The following MACROD2 variants were observed in gnomAD, a reference collection of about 807,000 sequenced individuals.
MACROD2 encodes mono-ADP ribosylhydrolase 2.
MACROD2 carries 36 observed loss-of-function variants against 70.4 expected under a neutral mutation model. The observed-to-expected ratio is 0.51, with a 90% CI of 0.39 to 0.68. The LOEUF is 0.68. Ranked by LOEUF, MACROD2 falls within the 30% of genes least tolerant of loss-of-function variation. MACROD2 has a pLI of 0.00. For synonymous variants in MACROD2, 172 were observed against 178.8 expected, an observed-to-expected ratio of 0.96 and a Z score of 0.30; for missense variants, 496 against 538.4, an observed-to-expected ratio of 0.92 and a Z score of 0.78.
intron 8 of MACROD2, among the ~76,000 whole-genome samples, chr20:15,847,191 C>T (rs531497901): frequency 6.6e-6 from 1 of 152,014 alleles, no homozygotes. Flanking sequence ...AAAAGTATAA[C>T]GTAGAGGATT....
At chr20:14,021,920 A>C (rs1233031753) in intron 2 of MACROD2, among the ~76,000 whole-genome samples, 1 of 152,156 alleles carries the variant, frequency 6.6e-6, no homozygotes, top group Non-Finnish European at 1.5e-5. Context: ...CTTAGGGGGA[A>C]GGGGAAAGGG....
chr20:14,281,996 T>C (rs1205179464), intron 3 of MACROD2, among the ~76,000 whole-genome samples: 1 of 151,268 alleles, frequency 6.6e-6, no homozygotes. Context: ...TCCTAAATTA[T>C]ATATTTTTAT....
chr20:15,799,853 T>G (rs2063708065), intron 8 of MACROD2, among the ~76,000 whole-genome samples: 1 of 152,208 alleles, frequency 6.6e-6, no homozygotes, highest in Non-Finnish European at 1.5e-5. Flanking sequence ...TCTATATTGT[T>G]TTGCATAATG....
intron 8 of MACROD2, among the ~76,000 whole-genome samples, chr20:15,751,480 A>G (rs186506505): frequency 3.5e-4 from 54 of 152,198 alleles, no homozygotes; most frequent in African/African-American, 1.3e-3. Context: ...GAAGGGTAAC[A>G]TATTTACTAT....
At chr20:15,603,344 T>TA (rs2048848516) in intron 8 of MACROD2, among the ~76,000 whole-genome samples, 3 of 146,382 alleles carry the variant, frequency 2.0e-5, no homozygotes, top group African/African-American at 7.9e-5. Flanking sequence ...CTAAAAATAT[T>TA]TAAAAAAAAA....
rs546488585 is a variant in MACROD2 at position 15,150,852 on chromosome 20, T to C, written c.419-79088T>C. ...AACTAAAAAGGAGTGCTTAAAAGAGTGTTGTCTAAGTTGGCACCAGAGTTG... is the reference window on the plus strand; with the variant it reads ...AACTAAAAAGGAGTGCTTAAAAGAGCGTTGTCTAAGTTGGCACCAGAGTTG... On this transcript the variant is annotated intron_variant, in intron 5 of 17. Transcript: ENST00000684519. Among the ~76,000 whole-genome samples the C allele has an allele frequency of 1.1e-3, 173 of 151,328 alleles. 3 individuals carry two copies. The highest frequency in any genetic ancestry group is 3.6e-3 in the African/African-American group (146 of 41,082).
At chr20:14,563,216 G>C (rs1042785419) in intron 4 of MACROD2, among the ~76,000 whole-genome samples, 1 of 151,760 alleles carries the variant, frequency 6.6e-6, no homozygotes, top group Non-Finnish European at 1.5e-5. Context: ...TGAAGCTAGG[G>C]TACGTTAGTC....
At chr20:14,750,966 G>A (rs959128363) in intron 5 of MACROD2, among the ~76,000 whole-genome samples, 1 of 151,886 alleles carries the variant, frequency 6.6e-6, no homozygotes, top group Non-Finnish European at 1.5e-5. Flanking sequence ...TACAGTTGAA[G>A]TTTTCTTTTG....
At chr20:15,572,233 A>G (rs2048385816) in intron 8 of MACROD2, among the ~76,000 whole-genome samples, 1 of 152,102 alleles carries the variant, frequency 6.6e-6, no homozygotes, top group South Asian at 2.1e-4. Flanking sequence ...GACAGCATGA[A>G]CACTTGCCAA....
At chr20:15,822,991 C>T (rs1185144051) in intron 8 of MACROD2, among the ~76,000 whole-genome samples, 1 of 152,120 alleles carries the variant, frequency 6.6e-6, no homozygotes, top group Non-Finnish European at 1.5e-5. Flanking sequence ...CACTACAACA[C>T]CTACAAATAA....
chr20:15,424,653 GAGGCTGC>G (rs920986053), intron 6 of MACROD2, among the ~76,000 whole-genome samples: 4 of 152,184 alleles, frequency 2.6e-5, no homozygotes, highest in Non-Finnish European at 5.9e-5. Context: ...ACAGGACTTT[GAGGCTGC>G]AGTATGATAG....
chr20:15,844,070 C>G (rs1348069296), intron 8 of MACROD2, among the ~76,000 whole-genome samples: 3 of 151,616 alleles, frequency 2.0e-5, no homozygotes, highest in Admixed American at 6.6e-5. Flanking sequence ...ATATGAGTAG[C>G]AAAAATGTAC....
chr20:15,330,099 A>G (rs1033824725), intron 6 of MACROD2, among the ~76,000 whole-genome samples: 7 of 152,004 alleles, frequency 4.6e-5, no homozygotes, highest in African/African-American at 1.7e-4. Flanking sequence ...CTTCAAACCT[A>G]AGCATAAAAG....
At chr20:15,288,863 G>GTCTATCTATCTATCTATCTA (rs1172385837) in intron 6 of MACROD2, among the ~76,000 whole-genome samples, 1 of 132,280 alleles carries the variant, frequency 7.6e-6, no homozygotes, top group Non-Finnish European at 1.6e-5. Flanking sequence ...ATGTCTGTCT[G>GTCTATCTATCTATCTATCTA]TCTGTCTATC....
At chr20:15,346,803 G>C (rs1287438704) in intron 6 of MACROD2, among the ~76,000 whole-genome samples, 1 of 152,290 alleles carries the variant, frequency 6.6e-6, no homozygotes, top group African/African-American at 2.4e-5. Flanking sequence ...CTAAGCTTTA[G>C]TTCCTTGACA....
intron 3 of MACROD2, among the ~76,000 whole-genome samples, chr20:14,163,278 A>T (rs1210783729): frequency 6.6e-6 from 1 of 151,964 alleles, no homozygotes; most frequent in African/African-American, 2.4e-5. Flanking sequence ...ATCATCCTAA[A>T]CTCTTTTGAC....
intron 4 of MACROD2, among the ~76,000 whole-genome samples, chr20:14,680,901 T>C (rs2070924250): frequency 1.3e-5 from 2 of 152,072 alleles, no homozygotes; most frequent in South Asian, 4.1e-4. Context: ...AATGAAATAT[T>C]TGAAACTTTA....
chr20:14,724,433 C>T (rs1465731649), intron 5 of MACROD2, among the ~76,000 whole-genome samples: 6 of 152,026 alleles, frequency 3.9e-5, no homozygotes, highest in Non-Finnish European at 7.4e-5. Context: ...GGTAGGGATG[C>T]CCCATAAGAG....
chr20:14,121,923 A>G lies in MACROD2; in HGVS notation c.271+36195A>G, dbSNP rs914750727. Among the ~76,000 whole-genome samples the G allele has an allele frequency of 7.9e-5, 12 of 152,108 alleles. No individual in the cohort carries two copies. In the East Asian group the frequency reaches 9.6e-4, roughly 12 times the overall value. ...TTGAAGTCTGTAATTGTTTGGTGTA[A>G]GAGTTACTCCAGTTACTGCTTGTTT... is the stretch of plus-strand genomic sequence containing the variant. On this transcript the variant is annotated intron_variant, in intron 3 of 17. Coordinates refer to ENST00000684519, the MANE Select transcript of MACROD2 (RefSeq NM_001351661.2).
Sources: allele counts gnomAD v4.1 joint callset (sites outside exome capture counted in the v4.1 genomes callset), GRCh38; gene constraint gnomAD v4.1.1; transcripts MANE v1.5; gene names NCBI Gene and HGNC (gene_info 2026-07-23, HGNC 2026-07-21).